CPAP: variants seen among roughly 807,000 people sequenced by gnomAD.
CPAP encodes centrosome assembly and centriole elongation protein.
At chr13:24,905,898 T>C in the CPAP span, 14 of 1,614,096 alleles carry the variant, frequency 8.7e-6, no homozygotes, top group Non-Finnish European at 1.1e-5. Flanking sequence ...GATGGTTTTA[T>C]GGTAACATCA....
the CPAP span, chr13:24,893,003 G>T: frequency 1.4e-6 from 1 of 717,570 alleles, no homozygotes; most frequent in Non-Finnish European, 2.4e-6. Context: ...CGACATTTAA[G>T]ACGAATGTCG....
the CPAP span, chr13:24,883,219 A>G: frequency 6.2e-7 from 1 of 1,613,972 alleles, no homozygotes; most frequent in Non-Finnish European, 8.5e-7. Context: ...CCTTGTCCTT[A>G]ACTCTTATCC....
At chr13:24,899,498 T>C in the CPAP span, 1 of 1,613,868 alleles carries the variant, frequency 6.2e-7, no homozygotes, top group Middle Eastern at 1.6e-4. Context: ...ACGTTCCTTT[T>C]GTAGCTTCCT....
the CPAP span, chr13:24,913,142 C>T: frequency 3.4e-6 from 3 of 871,296 alleles, no homozygotes; most frequent in East Asian, 7.9e-5. Context: ...CATTAGATGT[C>T]CTACCAAAAA....
the CPAP span, chr13:24,909,926 G>T: frequency 6.2e-7 from 1 of 1,614,168 alleles, no homozygotes; most frequent in South Asian, 1.1e-5. Flanking sequence ...TTCTACAGAA[G>T]TTGCTTTGCT....
chr13:24,899,618 G>GTGCAGTGATC, the CPAP span: 1 of 1,569,210 alleles, frequency 6.4e-7, no homozygotes, highest in Non-Finnish European at 8.7e-7. Flanking sequence ...CACCTAAGGA[G>GTGCAGTGATC]ACCATCTCAG....
At chr13:24,897,179 TTG>T in the CPAP span, among the ~76,000 whole-genome samples, 1 of 152,040 alleles carries the variant, frequency 6.6e-6, no homozygotes, top group Non-Finnish European at 1.5e-5. Flanking sequence ...GAGACGGAGG[TTG>T]CAGTGAGCTG....
At chr13:24,885,128 A>T in the CPAP span, 1 of 648,008 alleles carries the variant, frequency 1.5e-6, no homozygotes, top group Non-Finnish European at 2.7e-6. Flanking sequence ...CAGAGATTGT[A>T]TGCCGCCTTT....
the CPAP span, chr13:24,911,971 C>A: frequency 2.2e-5 from 35 of 1,614,152 alleles, no homozygotes; most frequent in East Asian, 7.8e-4. Flanking sequence ...GCCCAGACAC[C>A]ATGGTGAGCA....
chr13:24,892,698 T>G, the CPAP span: 1 of 1,614,202 alleles, frequency 6.2e-7, no homozygotes, highest in Non-Finnish European at 8.5e-7. Flanking sequence ...TTCTGCTCTC[T>G]TCCAGGCATC....
chr13:24,903,822 T>C, the CPAP span: 14 of 1,260,644 alleles, frequency 1.1e-5, no homozygotes, highest in Non-Finnish European at 1.5e-5. Context: ...TTTTCAATTA[T>C]ATTTGTTTGA....
At chr13:24,899,328 T>C in the CPAP span, 1 of 956,334 alleles carries the variant, frequency 1.0e-6, no homozygotes, top group South Asian at 1.4e-5. Flanking sequence ...TGATACACAG[T>C]TTTGCTTTGA....
At chr13:24,883,888 G>A in the CPAP span, 1 of 1,579,894 alleles carries the variant, frequency 6.3e-7, no homozygotes, top group South Asian at 1.1e-5. Flanking sequence ...GAAACGCAAG[G>A]CTGGGGCACC....
the CPAP span, among the ~76,000 whole-genome samples, chr13:24,926,203 T>G: frequency 6.6e-6 from 1 of 152,198 alleles, no homozygotes; most frequent in Non-Finnish European, 1.5e-5. Context: ...AAGTAAGTAA[T>G]TGGTGCCCAC....
At chr13:24,895,561 G>C in the CPAP span, among the ~76,000 whole-genome samples, 1 of 150,982 alleles carries the variant, frequency 6.6e-6, no homozygotes, top group East Asian at 1.9e-4. Flanking sequence ...CGTCAAGAAA[G>C]AAAAGAAAGA....
the CPAP span, among the ~76,000 whole-genome samples, chr13:24,922,599 C>G: frequency 4.6e-5 from 7 of 152,236 alleles, no homozygotes; most frequent in Non-Finnish European, 7.3e-5. Flanking sequence ...CCGTGGGCCT[C>G]AGCGCGCCCG....
chr13:24,892,123 T>C, the CPAP span, among the ~76,000 whole-genome samples: 1 of 152,226 alleles, frequency 6.6e-6, no homozygotes, highest in Non-Finnish European at 1.5e-5. Context: ...TGTCTGTTTA[T>C]TGCTGTACCC....
chr13:24,906,269 A>T, the CPAP span: 1 of 1,601,534 alleles, frequency 6.2e-7, no homozygotes, highest in Admixed American at 1.8e-5. Context: ...ATTACTAGAA[A>T]ATGATATTTC....
At chr13:24,927,933 T>G in the CPAP span, among the ~76,000 whole-genome samples, 1 of 152,210 alleles carries the variant, frequency 6.6e-6, no homozygotes, top group Non-Finnish European at 1.5e-5. Context: ...TCCCAGTCAG[T>G]AAGACCTCAG....
Sources: gnomAD v4.1 joint callset for allele counts (sites outside exome capture counted in the v4.1 genomes callset) on GRCh38, gnomAD v4.1.1 for gene constraint, MANE v1.5 for transcripts, NCBI Gene and HGNC (gene_info 2026-07-23, HGNC 2026-07-21) for gene names.